The following DPP10 variants were observed in gnomAD, a reference collection of about 807,000 sequenced individuals.
DPP10 encodes the protein dipeptidyl peptidase like 10.
DPP10 carries 33 observed loss-of-function variants against 120.9 expected under a neutral mutation model. That is an observed-to-expected ratio of 0.27 (90% CI 0.21 to 0.37). The LOEUF (loss-of-function observed/expected upper bound fraction) is 0.37. DPP10 is among the 10% of genes least tolerant of loss of function. The pLI is 1.00. For missense variants in DPP10, 816 were observed against 942.8 expected (o/e 0.87, Z 1.76); for synonymous variants, 337 against 326.1 (o/e 1.03, Z -0.36).
chr2:115,502,510 G>A (rs183782713), intron 4 of DPP10, among the ~76,000 whole-genome samples: 1 of 152,224 alleles, frequency 6.6e-6, no homozygotes, highest in East Asian at 1.9e-4. Flanking sequence ...TGAGGAAACT[G>A]TTTCCTAAGT....
At chr2:115,330,930 A>T (rs2062687292) in intron 2 of DPP10, among the ~76,000 whole-genome samples, 1 of 152,058 alleles carries the variant, frequency 6.6e-6, no homozygotes, top group African/African-American at 2.4e-5. Flanking sequence ...GTTCCATATG[A>T]ACTTTAAGGT....
intron 1 of DPP10, among the ~76,000 whole-genome samples, chr2:114,760,209 A>G (rs775597967): frequency 3.3e-5 from 5 of 152,144 alleles, no homozygotes; most frequent in African/African-American, 4.8e-5. Flanking sequence ...AATAGTCCCC[A>G]GCAGCTATGA....
intron 1 of DPP10, among the ~76,000 whole-genome samples, chr2:115,188,589 T>A (rs1005670759): frequency 6.6e-6 from 1 of 152,152 alleles, no homozygotes; most frequent in Non-Finnish European, 1.5e-5. Flanking sequence ...CACATAAAGA[T>A]CCTTATACTT....
chr2:115,553,957 C>T (rs2080040255), intron 5 of DPP10, among the ~76,000 whole-genome samples: 1 of 150,426 alleles, frequency 6.6e-6, no homozygotes, highest in African/African-American at 2.4e-5. Context: ...GGGCCAGATT[C>T]AGGTTAGCTT....
At chr2:114,754,054 T>G (rs1393726384) in intron 1 of DPP10, among the ~76,000 whole-genome samples, 1 of 152,138 alleles carries the variant, frequency 6.6e-6, no homozygotes, top group Non-Finnish European at 1.5e-5. Flanking sequence ...AGTTGCTTAG[T>G]TTAACATTTT....
intron 3 of DPP10, among the ~76,000 whole-genome samples, chr2:115,394,816 A>G (rs2067567253): frequency 6.6e-6 from 1 of 152,110 alleles, no homozygotes. Flanking sequence ...TTAATAGTAC[A>G]TTTATCTTTC....
chr2:115,449,460 T>C (rs994497291), intron 3 of DPP10, among the ~76,000 whole-genome samples: 1 of 152,112 alleles, frequency 6.6e-6, no homozygotes. Flanking sequence ...TATAATGTGG[T>C]CTATTAACAA....
intron 3 of DPP10, among the ~76,000 whole-genome samples, chr2:115,374,809 T>G (rs192549652): frequency 2.8e-4 from 43 of 152,342 alleles, no homozygotes; most frequent in African/African-American, 9.9e-4. Flanking sequence ...TTGGTTTCTT[T>G]TAGCTATGGA....
chr2:115,256,559 G>GC (rs2059008966), intron 1 of DPP10, among the ~76,000 whole-genome samples: 1 of 152,210 alleles, frequency 6.6e-6, no homozygotes, highest in East Asian at 1.9e-4. Flanking sequence ...TCTGGGCCTG[G>GC]CCCATGAAAA....
chr2:115,477,414 C>T (rs1338013120), intron 3 of DPP10, among the ~76,000 whole-genome samples: 1 of 151,700 alleles, frequency 6.6e-6, no homozygotes, highest in Non-Finnish European at 1.5e-5. Flanking sequence ...TGTAGTAGCA[C>T]CAAAAGGATT....
chr2:115,223,899 T>G (rs1295020039), intron 1 of DPP10, among the ~76,000 whole-genome samples: 1 of 152,166 alleles, frequency 6.6e-6, no homozygotes, highest in Non-Finnish European at 1.5e-5. Context: ...TCATGATATA[T>G]CAATACTTTG....
intron 1 of DPP10, among the ~76,000 whole-genome samples, chr2:114,920,395 C>G (rs1452758087): frequency 6.6e-6 from 1 of 152,172 alleles, no homozygotes; most frequent in African/African-American, 2.4e-5. Context: ...TGACAGCACC[C>G]TACTTTGGTC....
intron 1 of DPP10, among the ~76,000 whole-genome samples, chr2:114,596,663 A>G (rs1304316320): frequency 1.3e-5 from 2 of 152,044 alleles, no homozygotes; most frequent in Non-Finnish European, 2.9e-5. Context: ...TGTGTAAATC[A>G]TCACATCTCT....
At chr2:115,313,287 G>A (rs981763343) in intron 2 of DPP10, among the ~76,000 whole-genome samples, 10 of 152,164 alleles carry the variant, frequency 6.6e-5, no homozygotes, top group African/African-American at 2.2e-4. Context: ...CCCTGGGCTA[G>A]TCACTAACTT....
At chr2:114,489,450 A>ATAAAAAAATACC (rs1456158574) in intron 1 of DPP10, among the ~76,000 whole-genome samples, 1 of 152,216 alleles carries the variant, frequency 6.6e-6, no homozygotes, top group African/African-American at 2.4e-5. Context: ...GTGATTCTTA[A>ATAAAAAAATACC]TAAAAAAATA....
chr2:115,743,680 G>A (rs1364305546), intron 9 of DPP10, among the ~76,000 whole-genome samples: 1 of 140,834 alleles, frequency 7.1e-6, no homozygotes, highest in Non-Finnish European at 1.5e-5. Flanking sequence ...CTACAGACAG[G>A]AAACCTTCAA....
intron 3 of DPP10, among the ~76,000 whole-genome samples, chr2:115,474,621 G>T (rs2105209427): frequency 6.6e-6 from 1 of 151,654 alleles, no homozygotes; most frequent in African/African-American, 2.4e-5. Flanking sequence ...GCTTCTAAAA[G>T]CCTATATTCG....
chr2:114,975,882 C>T (rs1377568539), intron 1 of DPP10, among the ~76,000 whole-genome samples: 7 of 152,108 alleles, frequency 4.6e-5, no homozygotes, highest in Admixed American at 4.6e-4. Flanking sequence ...AACTCCTGAC[C>T]TCAAGTGGTC....
chr2:115,019,285 A>C (rs922467821), intron 1 of DPP10, among the ~76,000 whole-genome samples: 1 of 152,128 alleles, frequency 6.6e-6, no homozygotes, highest in Non-Finnish European at 1.5e-5. Context: ...AATGGAAAAA[A>C]GAAAGGAACA....
Sources: gnomAD v4.1 joint callset for allele counts (sites outside exome capture counted in the v4.1 genomes callset) on GRCh38, gnomAD v4.1.1 for gene constraint, MANE v1.5 for transcripts, NCBI Gene and HGNC (gene_info 2026-07-23, HGNC 2026-07-21) for gene names.